SPOCK3: variants seen among roughly 807,000 people sequenced by gnomAD.
SPOCK3 encodes testican-3.
SPOCK3 carries 30 observed loss-of-function variants against 56.6 expected under a neutral mutation model. The ratio of observed to expected loss-of-function variants is 0.53; its 90% confidence interval spans 0.40 to 0.72. The LOEUF is 0.72. SPOCK3 is among the 30% of genes least tolerant of loss of function. The pLI, the probability that SPOCK3 is intolerant of heterozygous loss-of-function variation, is 0.00. For missense variants in SPOCK3, 527 were observed against 530.0 expected (o/e 0.99, Z 0.06); for synonymous variants, 196 against 183.3 (o/e 1.07, Z -0.56).
chr4:167,210,742 A>C (rs986072200), intron 2 of SPOCK3, among the ~76,000 whole-genome samples: 4 of 152,160 alleles, frequency 2.6e-5, no homozygotes, highest in Non-Finnish European at 5.9e-5. Context: ...AAAAACAAAT[A>C]TCATTCTCAT....
chr4:166,848,690 T>G (rs1353292136), intron 6 of SPOCK3, among the ~76,000 whole-genome samples: 1 of 152,184 alleles, frequency 6.6e-6, no homozygotes, highest in Non-Finnish European at 1.5e-5. Flanking sequence ...GTTCAGAGCT[T>G]AAATGTGAGG....
intron 4 of SPOCK3, among the ~76,000 whole-genome samples, chr4:166,953,530 T>C (rs1742976062): frequency 6.6e-6 from 1 of 152,028 alleles, no homozygotes; most frequent in South Asian, 2.1e-4. Flanking sequence ...AGTGTGGTGA[T>C]TCCTCAGGGA....
intron 4 of SPOCK3, among the ~76,000 whole-genome samples, chr4:166,991,321 G>A (rs1329265456): frequency 6.7e-6 from 1 of 149,764 alleles, no homozygotes; most frequent in East Asian, 2.0e-4. Context: ...GCTGAAAAAA[G>A]ATAATGTGAC....
chr4:166,856,122 A>G (rs1730628525), intron 6 of SPOCK3, among the ~76,000 whole-genome samples: 1 of 151,988 alleles, frequency 6.6e-6, no homozygotes, highest in South Asian at 2.1e-4. Context: ...CTGAACTCAC[A>G]GAAGTAAAGA....
At chr4:167,105,997 T>C (rs1327354659) in intron 2 of SPOCK3, among the ~76,000 whole-genome samples, 1 of 151,884 alleles carries the variant, frequency 6.6e-6, no homozygotes, top group African/African-American at 2.4e-5. Flanking sequence ...CAAATATTAT[T>C]AGATTAAAGA....
rs769600052 is a variant in SPOCK3 at position 166,754,615 on chromosome 4, A to G, written c.824T>C (p.Leu275Pro). The change falls in exon 8 of 11, where the codon CTT becomes CCT. Residue 275 changes from leucine (L) to proline (P), a missense_variant. Leu to Pro is a moderately conservative substitution (Grantham distance 98, BLOSUM62 -3). Transcript: ENST00000357545. ...LDQSELRSIY[L>P]DKNEQCTKAF... Reference sequence around the variant, plus strand: ...CTTGGTACACTGTTCATTCTTATCAAGGTAAATGCTTCTGAGCTCTGACTG... The same window carrying G: ...CTTGGTACACTGTTCATTCTTATCAGGGTAAATGCTTCTGAGCTCTGACTG... 6.2e-7 allele frequency: 1 copy of G among 1,613,778 alleles called. No individual in the cohort carries two copies. The highest frequency in any genetic ancestry group is 8.5e-7 in the Non-Finnish European group (1 of 1,179,790).
At chr4:167,164,599 A>C in intron 2 of SPOCK3, among the ~76,000 whole-genome samples, 1 of 150,078 alleles carries the variant, frequency 6.7e-6, no homozygotes, top group African/African-American at 2.5e-5. Flanking sequence ...CTTTCCCCCA[A>C]CCCCCACACA....
intron 4 of SPOCK3, among the ~76,000 whole-genome samples, chr4:166,928,598 AT>A (rs1446927057): frequency 2.0e-5 from 3 of 152,214 alleles, no homozygotes; most frequent in Non-Finnish European, 4.4e-5. Context: ...GTATGATAGT[AT>A]AATGGTAGAT....
intron 6 of SPOCK3, among the ~76,000 whole-genome samples, chr4:166,839,074 C>G (rs1345110314): frequency 1.3e-5 from 2 of 152,100 alleles, no homozygotes; most frequent in Non-Finnish European, 2.9e-5. Context: ...GAATGATGAG[C>G]AGCTTCCTAC....
chr4:167,004,056 T>C (rs2150133515), intron 3 of SPOCK3, among the ~76,000 whole-genome samples: 1 of 152,328 alleles, frequency 6.6e-6, no homozygotes, highest in East Asian at 1.9e-4. Flanking sequence ...CTTCCTAGTT[T>C]ATGCTAGGAC....
intron 6 of SPOCK3, among the ~76,000 whole-genome samples, chr4:166,820,058 A>G (rs1394335946): frequency 6.6e-6 from 1 of 152,038 alleles, no homozygotes; most frequent in Non-Finnish European, 1.5e-5. Context: ...ATTCTCTTCA[A>G]ATTCATGTAC....
At position 166,847,645 on chromosome 4, in the gene SPOCK3, G is replaced by GTT. The variant is rs1178144964; in HGVS notation, c.589+41483_589+41484dup. 1.9e-3 allele frequency among the ~76,000 whole-genome samples: 36 copies of GTT among 19,072 alleles called. 1 individual carries two copies. The highest frequency in any genetic ancestry group is 2.6e-3 in the African/African-American group (14 of 5,338). 12.5% of individuals were successfully genotyped at this position (19,072 alleles called of 152,430 possible). A position where few individuals can be genotyped will look rare whatever the true frequency, so the allele number is the denominator to read the frequency against. On this transcript the variant is annotated intron_variant, in intron 6 of 10. Coordinates refer to ENST00000357545, the MANE Select transcript of SPOCK3 (RefSeq NM_001040159.2). Reference sequence around the variant, plus strand: ...GCCACAATTCAAAAGGAAAATCCTAGTTTATATATATATATATATATATAT... The same window carrying GTT: ...GCCACAATTCAAAAGGAAAATCCTAGTTTTTATATATATATATATATATATAT...
intron 4 of SPOCK3, among the ~76,000 whole-genome samples, chr4:166,985,663 T>C (rs1747080904): frequency 6.6e-6 from 1 of 152,160 alleles, no homozygotes; most frequent in African/African-American, 2.4e-5. Flanking sequence ...CACATTTTCT[T>C]GCACTCAGAT....
At chr4:167,032,293 A>G (rs1752349748) in intron 3 of SPOCK3, among the ~76,000 whole-genome samples, 1 of 151,984 alleles carries the variant, frequency 6.6e-6, no homozygotes. Flanking sequence ...GATCATTAAT[A>G]TAAAGATGTT....
intron 3 of SPOCK3, among the ~76,000 whole-genome samples, chr4:167,043,642 T>C (rs994045801): frequency 4.6e-5 from 7 of 152,028 alleles, no homozygotes; most frequent in African/African-American, 1.4e-4. Context: ...GTTTTTATCA[T>C]GAATAGGTGT....
At chr4:167,036,990 T>G (rs1332707392) in intron 3 of SPOCK3, among the ~76,000 whole-genome samples, 5 of 152,176 alleles carry the variant, frequency 3.3e-5, no homozygotes, top group African/African-American at 1.2e-4. Flanking sequence ...CTGAAAGATC[T>G]TGACCATTAT....
At chr4:167,017,329 C>A (rs2150155369) in intron 3 of SPOCK3, among the ~76,000 whole-genome samples, 1 of 152,168 alleles carries the variant, frequency 6.6e-6, no homozygotes, top group South Asian at 2.1e-4. Context: ...GGGAGGAGAG[C>A]TGCTCAGTCA....
At chr4:167,151,086 G>T (rs577548625) in intron 2 of SPOCK3, among the ~76,000 whole-genome samples, 1 of 152,148 alleles carries the variant, frequency 6.6e-6, no homozygotes, top group Non-Finnish European at 1.5e-5. Flanking sequence ...CTCAAATTGC[G>T]CTGCAAATTA....
chr4:167,146,272 A>G (rs960371147), intron 2 of SPOCK3, among the ~76,000 whole-genome samples: 74 of 152,176 alleles, frequency 4.9e-4, no homozygotes, highest in African/African-American at 1.7e-3. Flanking sequence ...TTTTGTAAAT[A>G]TATATGCACC....
Sources: gnomAD v4.1 joint callset for allele counts (sites outside exome capture counted in the v4.1 genomes callset) on GRCh38, gnomAD v4.1.1 for gene constraint, MANE v1.5 for transcripts, NCBI Gene and HGNC (gene_info 2026-07-23, HGNC 2026-07-21) for gene names.